UVSSA: variants seen among roughly 807,000 people sequenced by gnomAD.
UVSSA encodes UV stimulated scaffold protein A.
UVSSA carries 72 observed loss-of-function variants against 73.9 expected under a neutral mutation model. That is an observed-to-expected ratio of 0.97 (90% CI 0.81 to 1.19). The LOEUF (loss-of-function observed/expected upper bound fraction) is 1.19. Among genes scored for constraint, UVSSA ranks in the 50% most tolerant of loss-of-function variants. UVSSA has a pLI of 0.00. For missense variants in UVSSA, 1,150 were observed against 965.0 expected, an observed-to-expected ratio of 1.19 and a Z score of -2.54; for synonymous variants, 454 against 391.3, an observed-to-expected ratio of 1.16 and a Z score of -1.89.
chr4:1,375,128 C>T (rs1266662925), intron 8 of UVSSA: 6 of 603,366 alleles, frequency 9.9e-6, no homozygotes, highest in Non-Finnish European at 1.7e-5. Flanking sequence ...ACAGCGTGGC[C>T]ACAAGGCGGG....
At position 1,380,112 on chromosome 4, in the gene UVSSA, TCTC is replaced by T; in HGVS notation, c.1636_1638del (p.Ser546del). ...GAGGAGGAAGTGGTCAATGCCGACA[TCTC>T]CGAGATGCTCCGGAGCCGCCACATC... On this transcript the variant is annotated inframe_deletion, in exon 11 of 14. Transcript: ENST00000389851. 1 of 1,612,856 alleles carries T rather than the reference TCTC, an allele frequency of 6.2e-7. No individual in the cohort carries two copies. The highest frequency in any genetic ancestry group is 8.5e-7 in the Non-Finnish European group (1 of 1,179,900).
exon 14 of UVSSA, chr4:1,393,540 G>A (rs1720453022): frequency 6.6e-6 from 1 of 151,560 alleles, no homozygotes; most frequent in Non-Finnish European, 1.5e-5. Flanking sequence ...GGGCCACAGA[G>A]CGAGACGCTT....
upstream of UVSSA, among the ~76,000 whole-genome samples, chr4:1,342,294 T>C (rs1250816596): frequency 6.6e-6 from 1 of 152,226 alleles, no homozygotes; most frequent in African/African-American, 2.4e-5. Context: ...TTCAGGTGGG[T>C]GTGCACTGGG....
At chr4:1,371,106 T>G (rs1346906097) in intron 8 of UVSSA, among the ~76,000 whole-genome samples, 4 of 152,186 alleles carry the variant, frequency 2.6e-5, no homozygotes, top group African/African-American at 9.7e-5. Flanking sequence ...AAGCCTGTGG[T>G]GAGCACATGT....
At chr4:1,365,716 C>T (rs1250370439) in intron 7 of UVSSA, among the ~76,000 whole-genome samples, 1 of 152,238 alleles carries the variant, frequency 6.6e-6, no homozygotes, top group Admixed American at 6.5e-5. Context: ...ACACCAGCAC[C>T]ACGGGAGAAC....
chr4:1,351,973 G>A (rs536653057), intron 4 of UVSSA, 138 bp downstream of exon 4: 45 of 1,372,482 alleles, frequency 3.3e-5, no homozygotes, highest in East Asian at 7.5e-5. Flanking sequence ...GATTCAGGTC[G>A]GGCCGGAAGG....
At position 1,385,793 on chromosome 4, in the gene UVSSA, T is replaced by C. The variant is rs1720049371; in HGVS notation, c.2037-75T>C. On this transcript the variant is annotated intron_variant, in intron 13 of 13. Transcript: ENST00000389851. ...TTGCCCCAGGACCAGTGCCTAACTTTGGTGATGCCGCCACTGGGAGCCCAG... is the reference window on the plus strand; with the variant it reads ...TTGCCCCAGGACCAGTGCCTAACTTCGGTGATGCCGCCACTGGGAGCCCAG... The C allele has an allele frequency of 2.0e-6, 3 of 1,513,378 alleles. No individual in the cohort carries two copies. In the South Asian group the frequency reaches 3.4e-5, roughly 17 times the overall value. 93.7% of individuals were successfully genotyped at this position (1,513,378 alleles called of 1,614,324 possible).
intron 8 of UVSSA, among the ~76,000 whole-genome samples, chr4:1,372,034 C>T (rs1718106988): frequency 6.6e-6 from 1 of 152,252 alleles, no homozygotes; most frequent in African/African-American, 2.4e-5. Flanking sequence ...TTACATATCT[C>T]TTCTTGTTTA....
intron 4 of UVSSA, among the ~76,000 whole-genome samples, chr4:1,352,107 T>C (rs929345220): frequency 6.6e-6 from 1 of 152,226 alleles, no homozygotes; most frequent in South Asian, 2.1e-4. Context: ...GGTGTGCCTG[T>C]GGGCAGTGGT....
At chr4:1,373,583 C>T (rs940365436) in intron 8 of UVSSA, among the ~76,000 whole-genome samples, 1 of 152,214 alleles carries the variant, frequency 6.6e-6, no homozygotes, top group Admixed American at 6.5e-5. Context: ...CTTAGGTTTT[C>T]CTGTAGTGCC....
At chr4:1,360,539 C>G (rs1266312025) in intron 7 of UVSSA, among the ~76,000 whole-genome samples, 1 of 152,212 alleles carries the variant, frequency 6.6e-6, no homozygotes, top group Admixed American at 6.5e-5. Context: ...GTAAGTGCGC[C>G]TGACAAACCC....
chr4:1,380,063 C>G lies in UVSSA; in HGVS notation c.1585C>G (p.Arg529Gly), dbSNP rs764891315. 6.2e-7 allele frequency: 1 copy of G among 1,608,644 alleles called. No homozygotes were observed. ...GKIVKSDSQH[R>G]FWKPSEVEEE... ...TGTCTGCAGGTCTGACTCCCAGCACCGCTTCTGGAAGCCCAGCGAGGTGGA... is the reference window on the plus strand; with the variant it reads ...TGTCTGCAGGTCTGACTCCCAGCACGGCTTCTGGAAGCCCAGCGAGGTGGA... The change falls in exon 11 of 14, where the codon CGC becomes GGC. Residue 529 changes from arginine (R) to glycine (G), a missense_variant. Transcript: ENST00000389851.
intron 5 of UVSSA, among the ~76,000 whole-genome samples, chr4:1,353,973 C>T (rs1715230738): frequency 1.3e-5 from 2 of 152,250 alleles, no homozygotes; most frequent in African/African-American, 4.8e-5. Flanking sequence ...TCCTCCCAAG[C>T]CCCCTGCTGC....
At chr4:1,394,543 A>T (rs766151737) in exon 14 of UVSSA, 1 of 1,525,814 alleles carries the variant, frequency 6.6e-7, no homozygotes, top group East Asian at 2.4e-5. Flanking sequence ...GCCAATGTGG[A>T]GTGCCCGCCT....
chr4:1,345,995 T>C (rs915600833), upstream of UVSSA, among the ~76,000 whole-genome samples: 1 of 151,926 alleles, frequency 6.6e-6, no homozygotes, highest in Non-Finnish European at 1.5e-5. Flanking sequence ...TGGCTGCAGC[T>C]TGCTCAGTGA....
At chr4:1,360,333 C>T (rs1305939399) in intron 7 of UVSSA, among the ~76,000 whole-genome samples, 2 of 152,248 alleles carry the variant, frequency 1.3e-5, no homozygotes, top group South Asian at 2.1e-4. Context: ...CAGTACCTGT[C>T]TGCAAAACAC....
chr4:1,383,694 T>TGTCAGGACGAGA, intron 12 of UVSSA, 72 bp from the exon 13 acceptor site: 1 of 1,593,274 alleles, frequency 6.3e-7, no homozygotes, highest in Admixed American at 1.7e-5. Flanking sequence ...CAAGAGCCCC[T>TGTCAGGACGAGA]CCTGGGGGCC....
intron 12 of UVSSA, 112 bp downstream of exon 12, chr4:1,381,100 C>T (rs753995235): frequency 1.0e-6 from 1 of 992,230 alleles, no homozygotes; most frequent in Non-Finnish European, 1.5e-6. Context: ...CAGCTTCGTC[C>T]ATGGAGCTAC....
At chr4:1,353,945 C>T (rs998612184) in intron 5 of UVSSA, among the ~76,000 whole-genome samples, 38 of 152,214 alleles carry the variant, frequency 2.5e-4, no homozygotes, top group Non-Finnish European at 4.0e-4. Flanking sequence ...TAGCCGCCCC[C>T]GCCCCCCAGC....
Sources: gnomAD v4.1 joint callset for allele counts (sites outside exome capture counted in the v4.1 genomes callset) on GRCh38, gnomAD v4.1.1 for gene constraint, MANE v1.5 for transcripts, NCBI Gene and HGNC (gene_info 2026-07-23, HGNC 2026-07-21) for gene names.